Variants in ERBB4 observed in about 807,000 individuals in gnomAD.
ERBB4 encodes erb-b2 receptor tyrosine kinase 4, also known as receptor tyrosine-protein kinase erbB-4.
In ERBB4, 42 loss-of-function variants were observed where a neutral mutation model predicts 158.0. That is an observed-to-expected ratio of 0.27 (90% CI 0.21 to 0.34). The LOEUF (loss-of-function observed/expected upper bound fraction) is 0.34, where lower values mean the gene tolerates loss of function less well. Among genes scored for constraint, ERBB4 ranks in the 10% least tolerant of loss-of-function variants. ERBB4 has a pLI of 1.00. For missense variants in ERBB4, 1,333 were observed against 1,624.1 expected (o/e 0.82, Z 3.08); for synonymous variants, 583 against 558.7 (o/e 1.04, Z -0.61).
intron 3 of ERBB4, among the ~76,000 whole-genome samples, chr2:211,860,984 TATATAATATAATATA>T (rs2077999453): frequency 1.1e-4 from 9 of 80,002 alleles, no homozygotes; most frequent in Non-Finnish European, 1.7e-4. Context: ...TTAAATATAT[TATATAATATAATATA>T]TTATATATTT....
chr2:212,326,468 T>C (rs1465998863), intron 1 of ERBB4, among the ~76,000 whole-genome samples: 1 of 150,844 alleles, frequency 6.6e-6, no homozygotes, highest in Non-Finnish European at 1.5e-5. Flanking sequence ...CTTACAAAGA[T>C]ACTTTCAATG....
intron 1 of ERBB4, among the ~76,000 whole-genome samples, chr2:212,312,776 G>A (rs2087106199): frequency 6.6e-6 from 1 of 150,594 alleles, no homozygotes; most frequent in South Asian, 2.1e-4. Context: ...ATTCTTATTT[G>A]CTTTATTTTG....
At chr2:211,887,620 G>A (rs1027085813) in intron 3 of ERBB4, among the ~76,000 whole-genome samples, 2 of 151,950 alleles carry the variant, frequency 1.3e-5, no homozygotes, top group Non-Finnish European at 2.9e-5. Context: ...GTTTCTTCAA[G>A]TGCCTAATGC....
chr2:211,916,952 T>A (rs1449306524), intron 3 of ERBB4, among the ~76,000 whole-genome samples: 1 of 152,154 alleles, frequency 6.6e-6, no homozygotes, highest in African/African-American at 2.4e-5. Context: ...TGCTAACATT[T>A]AAGGATTGCC....
intron 1 of ERBB4, among the ~76,000 whole-genome samples, chr2:212,502,161 T>C (rs1690929808): frequency 6.6e-6 from 1 of 152,106 alleles, no homozygotes; most frequent in South Asian, 2.1e-4. Flanking sequence ...CCTTTATTAA[T>C]GTATAACTAT....
intron 21 of ERBB4, 143 bp downstream of exon 21, chr2:211,430,802 G>T (rs1380788725): frequency 2.8e-6 from 2 of 706,102 alleles, no homozygotes; most frequent in Non-Finnish European, 5.1e-6. Flanking sequence ...ATATACCCGG[G>T]GCAGGAGAAG....
chr2:211,865,477 TTA>T (rs2078181093), intron 3 of ERBB4, among the ~76,000 whole-genome samples: 1 of 152,092 alleles, frequency 6.6e-6, no homozygotes, highest in Non-Finnish European at 1.5e-5. Flanking sequence ...AAGTTGATAA[TTA>T]TATCTTTTAT....
intron 4 of ERBB4, chr2:211,779,421 C>T (rs937658616): frequency 6.6e-6 from 1 of 152,192 alleles, no homozygotes; most frequent in East Asian, 1.9e-4. Flanking sequence ...CACTGATTCT[C>T]CTTATTTTCA....
chr2:211,771,480 A>G (rs1052117554), intron 4 of ERBB4, among the ~76,000 whole-genome samples: 8 of 152,192 alleles, frequency 5.3e-5, no homozygotes, highest in African/African-American at 1.9e-4. Flanking sequence ...TCTGACAGGG[A>G]CCACTTTTCT....
At chr2:211,757,995 TAGA>T (rs1446000966) in intron 4 of ERBB4, among the ~76,000 whole-genome samples, 1 of 152,158 alleles carries the variant, frequency 6.6e-6, no homozygotes, top group Non-Finnish European at 1.5e-5. Flanking sequence ...TTTCTACATA[TAGA>T]TTTAAGGAGA....
chr2:212,405,278 C>T (rs1046095628), intron 1 of ERBB4, among the ~76,000 whole-genome samples: 1 of 151,870 alleles, frequency 6.6e-6, no homozygotes. Flanking sequence ...CAAATCAAAC[C>T]ACAATGAGAT....
chr2:211,604,037 A>G (rs891432387), intron 19 of ERBB4, among the ~76,000 whole-genome samples: 1 of 152,214 alleles, frequency 6.6e-6, no homozygotes, highest in Admixed American at 6.5e-5. Flanking sequence ...CAAAATATTC[A>G]TTAGTTTATA....
At chr2:211,757,611 C>T (rs569726519) in intron 4 of ERBB4, among the ~76,000 whole-genome samples, 1 of 152,290 alleles carries the variant, frequency 6.6e-6, no homozygotes, top group South Asian at 2.1e-4. Flanking sequence ...TGCAGCGCTT[C>T]CATCTACCCC....
rs11453664 is a variant in ERBB4 at position 212,538,240 on chromosome 2, A to AC, written c.82+208_82+209insG. On this transcript the variant is annotated intron_variant, in intron 1 of 27. Transcript: ENST00000342788. ...GGTTAAGGAGAGAAAAGAGGGACTC[A>AC]GAGTGATTTTTCACGATAAATAAAG... Among the ~76,000 whole-genome samples, 42,701 of 152,062 alleles carry AC rather than the reference A, an allele frequency of 0.28. 6,520 individuals carry two copies. Among genetic ancestry groups the AC allele is most frequent in the African/African-American group, 0.39 (15,992 of 41,462 alleles).
intron 3 of ERBB4, among the ~76,000 whole-genome samples, chr2:211,943,472 G>A (rs1012098453): frequency 6.6e-6 from 1 of 152,024 alleles, no homozygotes; most frequent in East Asian, 1.9e-4. Context: ...TGATGCAGTA[G>A]GGACCTTCCC....
chr2:211,877,018 T>C (rs1159646250), intron 3 of ERBB4, among the ~76,000 whole-genome samples: 2 of 152,242 alleles, frequency 1.3e-5, no homozygotes, highest in African/African-American at 2.4e-5. Context: ...TAACTTGTTC[T>C]TTCTTCCTTA....
intron 20 of ERBB4, among the ~76,000 whole-genome samples, chr2:211,455,183 T>TA (rs2064350348): frequency 6.6e-6 from 1 of 152,244 alleles, no homozygotes; most frequent in Non-Finnish European, 1.5e-5. Context: ...AAAATGCTCT[T>TA]ACACACAGAT....
chr2:212,493,812 T>C (rs1690415057), intron 1 of ERBB4, among the ~76,000 whole-genome samples: 1 of 151,764 alleles, frequency 6.6e-6, no homozygotes, highest in South Asian at 2.1e-4. Flanking sequence ...AATCTCAGAA[T>C]TTTTGTTAAT....
chr2:212,185,021 C>CTTTTTTTTTTTCTTTTTTTT (rs1553584050), intron 1 of ERBB4, among the ~76,000 whole-genome samples: 7 of 132,530 alleles, frequency 5.3e-5, no homozygotes, highest in African/African-American at 2.0e-4. Flanking sequence ...ACTTTTTTTT[C>CTTTTTTTTTTTCTTTTTTTT]TTTTTTTTTT....
Sources: allele counts gnomAD v4.1 joint callset (sites outside exome capture counted in the v4.1 genomes callset), GRCh38; gene constraint gnomAD v4.1.1; transcripts MANE v1.5; gene names NCBI Gene and HGNC (gene_info 2026-07-23, HGNC 2026-07-21).